The following CNTNAP3 variants were observed in gnomAD, a reference collection of about 807,000 sequenced individuals.
The protein encoded by CNTNAP3 is contactin-associated protein-like 3.
In CNTNAP3, 36 loss-of-function variants were observed where a neutral mutation model predicts 92.1. That is an observed-to-expected ratio of 0.39 (90% CI 0.30 to 0.52). The LOEUF is 0.52. Among genes scored for constraint, CNTNAP3 ranks in the 20% least tolerant of loss-of-function variants. CNTNAP3 has a pLI of 0.76. For synonymous variants in CNTNAP3, 232 were observed against 422.3 expected, an observed-to-expected ratio of 0.55 and a Z score of 5.53; for missense variants, 534 against 1,069.6, an observed-to-expected ratio of 0.50 and a Z score of 6.98.
intron 18 of CNTNAP3, among the ~76,000 whole-genome samples, chr9:39,097,513 A>C (rs1383599450): frequency 6.6e-6 from 1 of 151,994 alleles, no homozygotes; most frequent in African/African-American, 2.4e-5. Flanking sequence ...CAGCTGCCAC[A>C]CCTGAAGACC....
At chr9:39,113,664 A>G (rs1247137307) in intron 14 of CNTNAP3, among the ~76,000 whole-genome samples, 1 of 152,100 alleles carries the variant, frequency 6.6e-6, no homozygotes, top group African/African-American at 2.4e-5. Flanking sequence ...TTTAAAAATT[A>G]TATATTCATT....
In CNTNAP3 at chr9:39,133,112, G is replaced by GCAC. The variant is rs1226044343; in HGVS notation, c.1897_1899dup (p.Val633dup). ...GTCACCGCGTCGGGGCCACCGTGCT[G>GCAC]CACCACCGTCCACGCGGCGTCTGCT... On this transcript the variant is annotated inframe_insertion, in exon 13 of 24. Transcript: ENST00000297668. 6.4e-7 allele frequency: 1 copy of GCAC among 1,573,828 alleles called. No individual in the cohort carries two copies. Among genetic ancestry groups the GCAC allele is most frequent in the Non-Finnish European group, 8.6e-7 (1 of 1,165,496 alleles).
intron 12 of CNTNAP3, among the ~76,000 whole-genome samples, chr9:39,133,585 G>A (rs1490303713): frequency 6.6e-6 from 1 of 151,966 alleles, no homozygotes; most frequent in Non-Finnish European, 1.5e-5. Context: ...AGGTATGATA[G>A]GAAGCAGCTC....
intron 9 of CNTNAP3, among the ~76,000 whole-genome samples, chr9:39,162,149 AC>A (rs534949219): frequency 7.0e-5 from 5 of 71,476 alleles, no homozygotes; most frequent in Middle Eastern, 5.1e-3. Flanking sequence ...AAGAAAAAAA[AC>A]GTACCCCATT....
chr9:39,121,232 A>T (rs1467606922), intron 13 of CNTNAP3, among the ~76,000 whole-genome samples: 1 of 152,118 alleles, frequency 6.6e-6, no homozygotes, highest in African/African-American at 2.4e-5. Context: ...CACTCTGCAA[A>T]AATTAAATTT....
At chr9:39,136,987 G>T (rs548316120) in intron 12 of CNTNAP3, among the ~76,000 whole-genome samples, 1 of 152,090 alleles carries the variant, frequency 6.6e-6, no homozygotes, top group East Asian at 1.9e-4. Flanking sequence ...TCCTTCTTTG[G>T]TGTTCTCTAA....
intron 15 of CNTNAP3, among the ~76,000 whole-genome samples, chr9:39,104,840 G>A (rs1405339265): frequency 2.6e-5 from 4 of 152,144 alleles, no homozygotes; most frequent in Non-Finnish European, 2.9e-5. Flanking sequence ...GCAGCAGCAG[G>A]CAGCAATGCT....
intron 12 of CNTNAP3, among the ~76,000 whole-genome samples, chr9:39,137,794 G>GT (rs1464356802): frequency 1.3e-5 from 2 of 152,128 alleles, no homozygotes; most frequent in Non-Finnish European, 2.9e-5. Flanking sequence ...GATTACAGGC[G>GT]TGAGCCACCG....
At position 39,132,966 on chromosome 9, in the gene CNTNAP3, C is replaced by A. The variant is rs752083379; in HGVS notation, c.2046G>T (p.Leu682=). The part of the protein sequence containing the change: ...LAERCEQRLA[L]RCGTARRPDS... ...CCGGGCGCCGCGCCGTCCCGCAGCG[C>A]AGAGCCAGCCGCTGCTCGCAGCGCT... Residue 682 remains leucine, a synonymous_variant, in exon 13 of 24, where the codon CTG becomes CTT. Coordinates refer to ENST00000297668, the MANE Select transcript of CNTNAP3 (RefSeq NM_033655.5). 2.6e-6 allele frequency: 4 copies of A among 1,547,764 alleles called. No individual in the cohort carries two copies. The highest frequency in any genetic ancestry group is 2.3e-4 in the Middle Eastern group (1 of 4,420).
intron 18 of CNTNAP3, among the ~76,000 whole-genome samples, chr9:39,095,909 C>G (rs1223326292): frequency 6.6e-6 from 1 of 151,000 alleles, no homozygotes; most frequent in Admixed American, 6.6e-5. Context: ...AATTTGTTCT[C>G]TTTTTAAAAA....
chr9:39,147,266 T>TTTTGTTTG (rs5897985), intron 10 of CNTNAP3, among the ~76,000 whole-genome samples: 2 of 149,604 alleles, frequency 1.3e-5, no homozygotes, highest in Non-Finnish European at 3.0e-5. Context: ...ACAATTAGAT[T>TTTTGTTTG]TTTGTTTGTT....
intron 21 of CNTNAP3, among the ~76,000 whole-genome samples, chr9:39,080,813 C>G (rs1825915354): frequency 7.2e-6 from 1 of 138,400 alleles, no homozygotes; most frequent in African/African-American, 2.7e-5. Flanking sequence ...AGGCATGCAC[C>G]ACCACACCCA....
chr9:39,146,365 G>A (rs1257527636), intron 10 of CNTNAP3, among the ~76,000 whole-genome samples: 1 of 152,082 alleles, frequency 6.6e-6, no homozygotes, highest in Admixed American at 6.5e-5. Context: ...AAAGAGTACA[G>A]CAGTCTGATG....
At chr9:39,114,323 G>C (rs960297343) in intron 14 of CNTNAP3, among the ~76,000 whole-genome samples, 2 of 151,880 alleles carry the variant, frequency 1.3e-5, no homozygotes, top group Admixed American at 1.3e-4. Flanking sequence ...CTGACCTCGT[G>C]ATCTGCCCGC....
chr9:39,134,143 TAAC>T (rs1240592507), intron 12 of CNTNAP3, among the ~76,000 whole-genome samples: 11 of 152,052 alleles, frequency 7.2e-5, no homozygotes, highest in Non-Finnish European at 1.6e-4. Context: ...TACACACGCC[TAAC>T]AACAGAGATC....
intron 21 of CNTNAP3, among the ~76,000 whole-genome samples, chr9:39,081,822 T>C (rs1005170874): frequency 6.6e-6 from 1 of 151,042 alleles, no homozygotes; most frequent in African/African-American, 2.4e-5. Flanking sequence ...CTCATGCCTG[T>C]AATCCCAGCA....
chr9:39,091,171 C>CTTTTTTTTTTTTTTT (rs201329360), intron 18 of CNTNAP3, among the ~76,000 whole-genome samples: 12 of 128,500 alleles, frequency 9.3e-5, no homozygotes, highest in African/African-American at 2.5e-4. Flanking sequence ...TTTTCTTCTT[C>CTTTTTTTTTTTTTTT]TTTTTTTTTT....
chr9:39,084,484 A>T (rs1826024104), intron 21 of CNTNAP3, among the ~76,000 whole-genome samples: 1 of 152,226 alleles, frequency 6.6e-6, no homozygotes, highest in East Asian at 1.9e-4. Flanking sequence ...GTAAGCCACC[A>T]CACCCGGCCA....
At chr9:39,112,688 G>A (rs1286299666) in intron 14 of CNTNAP3, among the ~76,000 whole-genome samples, 1 of 152,090 alleles carries the variant, frequency 6.6e-6, no homozygotes. Flanking sequence ...TATTTTGGGG[G>A]AGTAGGTCAG....
Sources: allele counts gnomAD v4.1 joint callset (sites outside exome capture counted in the v4.1 genomes callset), GRCh38; gene constraint gnomAD v4.1.1; transcripts MANE v1.5; gene names NCBI Gene and HGNC (gene_info 2026-07-23, HGNC 2026-07-21).